The following TMEM132D variants were observed in gnomAD, a reference collection of about 807,000 sequenced individuals.
TMEM132D encodes mature OL transmembrane protein.
Under a neutral mutation model 62.3 loss-of-function variants are expected in TMEM132D, and 21 were observed. The ratio of observed to expected loss-of-function variants is 0.34; its 90% CI spans 0.24 to 0.49. The LOEUF (loss-of-function observed/expected upper bound fraction) is 0.49. Ranked by LOEUF, TMEM132D falls within the 20% of genes least tolerant of loss-of-function variation. TMEM132D has a pLI of 0.99. For missense variants in TMEM132D, 1,346 were observed against 1,402.8 expected (o/e 0.96, Z 0.65); for synonymous variants, 621 against 575.6 (o/e 1.08, Z -1.13).
At chr12:129,372,818 C>T (rs189033826) in intron 3 of TMEM132D, among the ~76,000 whole-genome samples, 70 of 151,962 alleles carry the variant, frequency 4.6e-4, no homozygotes, top group African/African-American at 1.4e-3. Flanking sequence ...ATAATTATTT[C>T]GTTATATGTT....
intron 4 of TMEM132D, among the ~76,000 whole-genome samples, chr12:129,300,768 C>G (rs975411862): frequency 1.3e-5 from 2 of 152,124 alleles, no homozygotes; most frequent in Admixed American, 1.3e-4. Context: ...TACAGAAAAA[C>G]TAGGAAAATG....
chr12:129,763,895 C>T (rs778983870), intron 1 of TMEM132D, among the ~76,000 whole-genome samples: 3 of 152,142 alleles, frequency 2.0e-5, no homozygotes, highest in African/African-American at 7.2e-5. Context: ...AATTAAGAAT[C>T]GAGAGGTGCC....
At chr12:129,490,120 A>C (rs1461437746) in intron 3 of TMEM132D, among the ~76,000 whole-genome samples, 5 of 152,224 alleles carry the variant, frequency 3.3e-5, no homozygotes, top group Non-Finnish European at 7.3e-5. Context: ...CATTCTGTTC[A>C]ATGTAGCTAC....
chr12:129,527,176 G>C (rs1280461566), intron 3 of TMEM132D, among the ~76,000 whole-genome samples: 1 of 152,068 alleles, frequency 6.6e-6, no homozygotes, highest in East Asian at 1.9e-4. Flanking sequence ...AGGTGTGGTG[G>C]TGCACGCCTG....
chr12:129,148,286 C>T (rs556961679), intron 5 of TMEM132D, among the ~76,000 whole-genome samples: 26 of 152,270 alleles, frequency 1.7e-4, no homozygotes, highest in African/African-American at 5.1e-4. Context: ...AAGAGGTCTA[C>T]GTCCAAATTG....
At chr12:129,898,629 T>C (rs1875228880) in intron 1 of TMEM132D, among the ~76,000 whole-genome samples, 1 of 152,242 alleles carries the variant, frequency 6.6e-6, no homozygotes. Flanking sequence ...CTAAGTCAAC[T>C]GCCAAATTAT....
At chr12:129,109,048 G>A (rs1264205972) in intron 5 of TMEM132D, among the ~76,000 whole-genome samples, 1 of 152,126 alleles carries the variant, frequency 6.6e-6, no homozygotes, top group Non-Finnish European at 1.5e-5. Flanking sequence ...ACACAACTTT[G>A]TACTATTACC....
intron 2 of TMEM132D, among the ~76,000 whole-genome samples, chr12:129,649,942 G>A (rs1202988410): frequency 6.6e-6 from 1 of 151,948 alleles, no homozygotes; most frequent in Admixed American, 6.6e-5. Context: ...ATGTATGTGT[G>A]TGTGTGTGTA....
At chr12:129,557,380 G>T (rs1040231112) in intron 2 of TMEM132D, among the ~76,000 whole-genome samples, 2 of 152,158 alleles carry the variant, frequency 1.3e-5, no homozygotes, top group African/African-American at 2.4e-5. Flanking sequence ...ATGAGGAGAC[G>T]TGTTTAAGGG....
intron 2 of TMEM132D, among the ~76,000 whole-genome samples, chr12:129,604,162 G>A (rs770179294): frequency 2.6e-5 from 4 of 151,976 alleles, no homozygotes; most frequent in Non-Finnish European, 4.4e-5. Flanking sequence ...ACCAGGGCCC[G>A]TCGAGGGGTT....
At chr12:129,090,672 A>AAAAG (rs1565960992) in intron 5 of TMEM132D, among the ~76,000 whole-genome samples, 10 of 152,044 alleles carry the variant, frequency 6.6e-5, no homozygotes, top group African/African-American at 2.4e-4. Flanking sequence ...TGTCTGAAAA[A>AAAAG]AAAAGAAAAG....
chr12:129,203,851 T>C (rs1193803277), intron 5 of TMEM132D, among the ~76,000 whole-genome samples: 10 of 152,216 alleles, frequency 6.6e-5, no homozygotes, highest in Non-Finnish European at 1.5e-5. Flanking sequence ...GGCTCCTGCC[T>C]GAGGGGGCCT....
chr12:129,859,900 G>C (rs1375502008), intron 1 of TMEM132D, among the ~76,000 whole-genome samples: 2 of 152,170 alleles, frequency 1.3e-5, no homozygotes, highest in African/African-American at 4.8e-5. Context: ...TCAGCTTGCA[G>C]ACAGTCTATC....
intron 3 of TMEM132D, among the ~76,000 whole-genome samples, chr12:129,354,981 A>C (rs1357481973): frequency 6.6e-6 from 1 of 152,214 alleles, no homozygotes; most frequent in Non-Finnish European, 1.5e-5. Flanking sequence ...AGACCCAGAA[A>C]CTGATATGAA....
intron 1 of TMEM132D, among the ~76,000 whole-genome samples, chr12:129,826,701 G>A (rs748226467): frequency 6.6e-6 from 1 of 152,190 alleles, no homozygotes; most frequent in Non-Finnish European, 1.5e-5. Context: ...GGATTGGACT[G>A]GATTTTGTAG....
At chr12:129,572,318 G>A (rs1331023080) in intron 2 of TMEM132D, among the ~76,000 whole-genome samples, 1 of 152,260 alleles carries the variant, frequency 6.6e-6, no homozygotes, top group African/African-American at 2.4e-5. Context: ...GGAGCTGGCG[G>A]GCAGAGGGAG....
Position 129,473,957 on chromosome 12 carries a change from C to T in TMEM132D, c.1115+57102G>A, listed in dbSNP as rs1364372175. On this transcript the variant is annotated intron_variant, in intron 3 of 8. Transcript: ENST00000422113. ...CCACATTCTTGTATAACCAACAAAC[C>T]AGGCATCTATGAACCCCTGAGCTGT... Among the ~76,000 whole-genome samples the T allele has an allele frequency of 2.6e-5, 4 of 152,142 alleles. No individual in the cohort carries two copies. In the South Asian group the frequency reaches 6.2e-4, roughly 24 times the overall value.
intron 3 of TMEM132D, among the ~76,000 whole-genome samples, chr12:129,433,101 T>TA (rs1244630497): frequency 6.6e-6 from 1 of 152,244 alleles, no homozygotes; most frequent in Non-Finnish European, 1.5e-5. Flanking sequence ...TCCCATCACT[T>TA]ACACTTCATC....
chr12:129,115,766 A>G (rs1378562777), intron 5 of TMEM132D, among the ~76,000 whole-genome samples: 1 of 152,198 alleles, frequency 6.6e-6, no homozygotes, highest in African/African-American at 2.4e-5. Context: ...AACTCCAGGC[A>G]GAGGTGACTC....
Sources: gnomAD v4.1 joint callset for allele counts (sites outside exome capture counted in the v4.1 genomes callset) on GRCh38, gnomAD v4.1.1 for gene constraint, MANE v1.5 for transcripts, NCBI Gene and HGNC (gene_info 2026-07-23, HGNC 2026-07-21) for gene names.